The following GABRA1 variants were observed in gnomAD, a reference collection of about 807,000 sequenced individuals.
GABRA1 encodes the protein gamma-aminobutyric acid receptor subunit alpha-1.
A neutral mutation model predicts 48.9 loss-of-function variants in GABRA1; 9 were observed. The observed-to-expected ratio is 0.18, with a 90% CI of 0.11 to 0.32. The LOEUF is 0.32. Ranked by LOEUF, GABRA1 falls within the 10% of genes least tolerant of loss-of-function variation. The probability of loss-of-function intolerance (pLI) is 1.00; values close to 1 mark genes in which losing one functional copy is unlikely to be tolerated. For synonymous variants in GABRA1, 210 were observed against 198.7 expected, an observed-to-expected ratio of 1.06 and a Z score of -0.48; for missense variants, 285 against 553.8, an observed-to-expected ratio of 0.51 and a Z score of 4.87.
At chr5:161,892,214 G>A (rs912799074) in intron 8 of GABRA1, among the ~76,000 whole-genome samples, 9 of 152,134 alleles carry the variant, frequency 5.9e-5, no homozygotes, top group African/African-American at 2.2e-4. Context: ...AATTATCAAG[G>A]TTCATTCCAC....
At chr5:161,875,034 T>G (rs1201198230) in intron 5 of GABRA1, among the ~76,000 whole-genome samples, 25 of 152,166 alleles carry the variant, frequency 1.6e-4, no homozygotes, top group Admixed American at 1.6e-3. Flanking sequence ...TGTATGGAGA[T>G]GTTGTATTAA....
At chr5:161,854,829 A>T (rs1472623481) in intron 3 of GABRA1, among the ~76,000 whole-genome samples, 1 of 151,520 alleles carries the variant, frequency 6.6e-6, no homozygotes, top group Non-Finnish European at 1.5e-5. Context: ...TGGTATATCA[A>T]TTACTCGGTT....
chr5:161,880,551 C>T (rs1754569210), intron 6 of GABRA1, among the ~76,000 whole-genome samples: 2 of 152,134 alleles, frequency 1.3e-5, no homozygotes, highest in African/African-American at 2.4e-5. Flanking sequence ...TCAAAATTAT[C>T]CATTTCGTAC....
At chr5:161,896,251 T>G (rs969869053) in intron 9 of GABRA1, among the ~76,000 whole-genome samples, 2 of 152,216 alleles carry the variant, frequency 1.3e-5, no homozygotes, top group East Asian at 3.9e-4. Flanking sequence ...TTCTTTTGGT[T>G]GTTTTCTGAG....
At chr5:161,887,696 A>G (rs529099851) in intron 7 of GABRA1, among the ~76,000 whole-genome samples, 2 of 152,288 alleles carry the variant, frequency 1.3e-5, no homozygotes, top group African/African-American at 4.8e-5. Context: ...ACAGCTTCAC[A>G]AGGAATCAAT....
chr5:161,855,161 T>C (rs1353468030), intron 3 of GABRA1, among the ~76,000 whole-genome samples: 4 of 151,646 alleles, frequency 2.6e-5, no homozygotes, highest in Non-Finnish European at 4.4e-5. Context: ...AATATTTAAA[T>C]AGTGATTAAA....
rs1754189429 is a variant in GABRA1 at position 161,872,999 on chromosome 5, C to T, written c.256-118C>T. ...GCTATCACACGTTTACTTCTAAAAACATCACCTAGCTAACATTATACTTCC... is the reference window on the plus strand; with the variant it reads ...GCTATCACACGTTTACTTCTAAAAATATCACCTAGCTAACATTATACTTCC... On this transcript the variant is annotated intron_variant, in intron 4 of 9. Coordinates refer to ENST00000393943, the MANE Select transcript of GABRA1 (RefSeq NM_001127644.2). 4 of 782,330 alleles carry T rather than the reference C, an allele frequency of 5.1e-6. No individual in the cohort carries two copies. The South Asian group carries it at 5.6e-5, about 11-fold the overall frequency. 48.5% of individuals were successfully genotyped at this position (782,330 alleles called of 1,614,324 possible).
chr5:161,849,005 A>G (rs1304566493), intron 1 of GABRA1: 1 of 455,006 alleles, frequency 2.2e-6, no homozygotes. Context: ...CGAAAACTCA[A>G]CTTAGTCTTT....
chr5:161,864,794 A>ATAAAT (rs533372689), intron 3 of GABRA1, among the ~76,000 whole-genome samples: 1,579 of 147,244 alleles, frequency 0.011, 30 homozygotes, highest in African/African-American at 0.037. Context: ...GGGGAAAAAT[A>ATAAAT]TAAATTAAAA....
rs189583274 is a variant in GABRA1 at position 161,877,222 on chromosome 5, G to A, written c.559+1580G>A. Among the ~76,000 whole-genome samples, 456 of 152,248 alleles carry A rather than the reference G, an allele frequency of 3.0e-3. 1 individual carries two copies. The highest frequency in any genetic ancestry group is 4.8e-3 in the Non-Finnish European group (325 of 68,020). On this transcript the variant is annotated intron_variant, in intron 6 of 9. Coordinates refer to ENST00000393943, the MANE Select transcript of GABRA1 (RefSeq NM_001127644.2). ...GGCCTCCCTAATTTTTGGGATTACAGGCATAAGCCACAGTGCCCAGCCTGG... is the reference window on the plus strand; with the variant it reads ...GGCCTCCCTAATTTTTGGGATTACAAGCATAAGCCACAGTGCCCAGCCTGG...
rs907073818 is a variant in GABRA1 at position 161,895,961 on chromosome 5, A to G, written c.1059+93A>G. The G allele has an allele frequency of 6.9e-6, 7 of 1,012,442 alleles. No individual in the cohort carries two copies. In the African/African-American group the frequency reaches 9.5e-5, roughly 14 times the overall value. 62.7% of individuals were successfully genotyped at this position (1,012,442 alleles called of 1,614,324 possible). The stretch of plus-strand genomic sequence containing the variant: ...TTTGGCCTGTGGTATTGGATGGAGT[A>G]TGCAGAATAATAAGGATTCTTTTTT... On this transcript the variant is annotated intron_variant, in intron 9 of 9. Coordinates refer to ENST00000393943, the MANE Select transcript of GABRA1 (RefSeq NM_001127644.2).
At chr5:161,888,599 G>A (rs1408820887) in intron 7 of GABRA1, among the ~76,000 whole-genome samples, 1 of 151,800 alleles carries the variant, frequency 6.6e-6, no homozygotes, top group Non-Finnish European at 1.5e-5. Context: ...TTTTTTCTTT[G>A]AGCTGGTGAC....
At chr5:161,857,059 G>A (rs906768563) in intron 3 of GABRA1, among the ~76,000 whole-genome samples, 33 of 150,668 alleles carry the variant, frequency 2.2e-4, no homozygotes, top group African/African-American at 6.5e-4. Flanking sequence ...TTTTTTATAG[G>A]AGCCATTTGC....
chr5:161,869,028 A>G (rs967693064), intron 4 of GABRA1, among the ~76,000 whole-genome samples: 3 of 152,174 alleles, frequency 2.0e-5, no homozygotes, highest in African/African-American at 4.8e-5. Flanking sequence ...CTGGTTTGCT[A>G]GTAGCTGGTA....
chr5:161,850,507 A>G lies in GABRA1; in HGVS notation c.-15-289A>G, dbSNP rs2113291948. 6 of 524,844 alleles carry G rather than the reference A, an allele frequency of 1.1e-5. No homozygotes were observed. The South Asian group carries it at 1.7e-4, about 14-fold the overall frequency. The allele number at this position is 524,844 out of a possible 1,614,324, so 32.5% of individuals were successfully genotyped here. On this transcript the variant is annotated intron_variant, in intron 1 of 9. Coordinates refer to ENST00000393943, the MANE Select transcript of GABRA1 (RefSeq NM_001127644.2). ...TATATTCTAAATATAAAACCTAGAG[A>G]TAAACAACTCACAGTTTTTATGTTG...
At chr5:161,848,710 C>A in intron 1 of GABRA1, 1 of 244,708 alleles carries the variant, frequency 4.1e-6, no homozygotes, top group Non-Finnish European at 8.1e-6. Flanking sequence ...TTTTCTTCTC[C>A]TCTTTCTTAG....
At chr5:161,869,224 G>A (rs7735530) in intron 4 of GABRA1, among the ~76,000 whole-genome samples, 27,144 of 152,068 alleles carry the variant, frequency 0.18, 3,222 homozygotes, top group African/African-American at 0.33. Context: ...ATTAATCTAC[G>A]TTAATAACAT....
At chr5:161,850,724 C>T in intron 1 of GABRA1, 72 bp from the exon 2 acceptor site, 2 of 1,249,762 alleles carry the variant, frequency 1.6e-6, no homozygotes, top group Admixed American at 1.7e-5. Flanking sequence ...TAAACTGCCT[C>T]AGTCAGCCCT....
Position 161,850,821 on chromosome 5 carries a change from G to T in GABRA1, c.11G>T (p.Ser4Ile), listed in dbSNP as rs796052487. ...CTGCTCCAGCCCGCGATGAGGAAAAGTCCAGGTCTGTCTGACTGTCTTTGG... is the reference window on the plus strand; with the variant it reads ...CTGCTCCAGCCCGCGATGAGGAAAATTCCAGGTCTGTCTGACTGTCTTTGG... MRK[S>I]PGLSDCLWAW... The change falls in exon 2 of 10, where the codon AGT (serine) becomes ATT (isoleucine). Residue 4 changes from serine (S) to isoleucine (I), a missense_variant. Ser to Ile is a moderately radical substitution (Grantham distance 142). Coordinates refer to ENST00000393943, the MANE Select transcript of GABRA1 (RefSeq NM_001127644.2). The T allele has an allele frequency of 2.5e-6, 4 of 1,613,976 alleles. No individual in the cohort carries two copies. The highest frequency in any genetic ancestry group is 1.7e-5 in the Admixed American group (1 of 59,996).
Sources: allele counts gnomAD v4.1 joint callset (sites outside exome capture counted in the v4.1 genomes callset), GRCh38; gene constraint gnomAD v4.1.1; transcripts MANE v1.5; gene names NCBI Gene and HGNC (gene_info 2026-07-23, HGNC 2026-07-21).